Variants in CNTLN observed in about 807,000 individuals in gnomAD.
The protein encoded by CNTLN is centlein, also known as centlein, centrosomal protein.
A neutral mutation model predicts 180.0 loss-of-function variants in CNTLN; 212 were observed. The observed-to-expected ratio is 1.18, with a 90% confidence interval of 1.05 to 1.32. The LOEUF is 1.32. Among genes scored for constraint, CNTLN ranks in the 40% most tolerant of loss-of-function variants. CNTLN has a pLI of 0.00. For synonymous variants in CNTLN, 722 were observed against 563.1 expected, an observed-to-expected ratio of 1.28 and a Z score of -3.99; for missense variants, 2,095 against 1,610.9, an observed-to-expected ratio of 1.30 and a Z score of -5.14.
intron 14 of CNTLN, among the ~76,000 whole-genome samples, 179 bp from the exon 15 acceptor site, chr9:17,394,355 A>G (rs1826329495): frequency 1.3e-5 from 2 of 152,172 alleles, no homozygotes; most frequent in African/African-American, 4.8e-5. Context: ...CAACAGATAC[A>G]TTATTGCATT....
At chr9:17,397,138 GTTAGGTAA>G (rs1473757199) in intron 15 of CNTLN, among the ~76,000 whole-genome samples, 2 of 152,066 alleles carry the variant, frequency 1.3e-5, no homozygotes, top group Non-Finnish European at 2.9e-5. Context: ...ATAATCAATA[GTTAGGTAA>G]TTCACTAATA....
intron 13 of CNTLN, among the ~76,000 whole-genome samples, chr9:17,374,992 A>G (rs910804057): frequency 1.3e-5 from 2 of 152,228 alleles, no homozygotes; most frequent in Non-Finnish European, 2.9e-5. Context: ...AGCATTATTC[A>G]TAATAGCCAA....
intron 15 of CNTLN, among the ~76,000 whole-genome samples, chr9:17,399,251 C>G (rs1027566990): frequency 1.7e-4 from 26 of 152,122 alleles, no homozygotes; most frequent in African/African-American, 5.6e-4. Flanking sequence ...ACTTGTTTTT[C>G]ACTTGTTAAT....
intron 25 of CNTLN, chr9:17,495,089 A>C: frequency 2.8e-6 from 1 of 356,784 alleles, no homozygotes; most frequent in South Asian, 2.1e-5. Context: ...CATGTTGCCC[A>C]GGCTGGTCTC....
intron 5 of CNTLN, among the ~76,000 whole-genome samples, chr9:17,246,543 G>A (rs1825804076): frequency 6.6e-6 from 1 of 152,304 alleles, no homozygotes; most frequent in African/African-American, 2.4e-5. Context: ...GGATACCACT[G>A]TGTGGTTTTT....
rs114871291 is a variant in CNTLN, at chr9:17,435,661, C to G, written c.3114+19472C>G. On this transcript the variant is annotated intron_variant, in intron 18 of 25. Transcript: ENST00000380647. ...CTGCAGCCTCTGTCCACCCCGGATTCAAGAGATTCTCCTGCTTCAGCCTCC... is the reference window on the plus strand; with the variant it reads ...CTGCAGCCTCTGTCCACCCCGGATTGAAGAGATTCTCCTGCTTCAGCCTCC... 9.1e-3 allele frequency among the ~76,000 whole-genome samples: 1,384 copies of G among 151,670 alleles called. 22 individuals carry two copies. The highest frequency in any genetic ancestry group is 0.031 in the African/African-American group (1,299 of 41,340).
At chr9:17,321,893 T>G (rs1226749450) in intron 8 of CNTLN, among the ~76,000 whole-genome samples, 1 of 152,182 alleles carries the variant, frequency 6.6e-6, no homozygotes, top group Non-Finnish European at 1.5e-5. Context: ...TTTCTCTAGG[T>G]ATCTTACTGT....
At chr9:17,383,195 G>A (rs1182359032) in intron 13 of CNTLN, among the ~76,000 whole-genome samples, 3 of 152,054 alleles carry the variant, frequency 2.0e-5, no homozygotes, top group African/African-American at 7.2e-5. Context: ...TTTATACACA[G>A]ATTTTGGTTG....
chr9:17,385,185 G>A (rs1263854749), intron 13 of CNTLN, among the ~76,000 whole-genome samples: 2 of 152,228 alleles, frequency 1.3e-5, no homozygotes, highest in Non-Finnish European at 2.9e-5. Context: ...GGAAGCTTTT[G>A]TGTCCTTTCT....
intron 25 of CNTLN, among the ~76,000 whole-genome samples, chr9:17,490,068 A>G (rs192055438): frequency 2.0e-5 from 3 of 152,262 alleles, no homozygotes; most frequent in Admixed American, 6.5e-5. Flanking sequence ...TACTTTGTCT[A>G]TAGTTTAGGG....
intron 14 of CNTLN, among the ~76,000 whole-genome samples, chr9:17,392,123 C>T (rs556746762): frequency 1.3e-5 from 2 of 152,060 alleles, no homozygotes; most frequent in South Asian, 4.2e-4. Context: ...AAAAATTAGC[C>T]AAGTGTGATG....
At chr9:17,491,232 A>AT (rs1283125000) in intron 25 of CNTLN, among the ~76,000 whole-genome samples, 1 of 152,090 alleles carries the variant, frequency 6.6e-6, no homozygotes, top group Non-Finnish European at 1.5e-5. Flanking sequence ...ATCATTAAAA[A>AT]ATATATATAT....
rs148124616 is a variant in CNTLN at position 17,489,781 on chromosome 9, A to G, written c.4119+2715A>G. On this transcript the variant is annotated intron_variant, in intron 25 of 25. Transcript: ENST00000380647. ...GAACTCAGATATATGCCATTATTTC[A>G]AGTAGTTGTGATGCTATTGGTAATT... Among the ~76,000 whole-genome samples, 832 of 152,174 alleles carry G rather than the reference A, an allele frequency of 5.5e-3. 11 individuals are homozygous for G. Among genetic ancestry groups the G allele is most frequent in the African/African-American group, 0.019 (793 of 41,514 alleles).
intron 22 of CNTLN, 122 bp downstream of exon 22, chr9:17,466,240 C>T: frequency 1.3e-6 from 1 of 753,886 alleles, no homozygotes; most frequent in Non-Finnish European, 2.2e-6. Flanking sequence ...CAGATAAGTG[C>T]AAAGAGGATT....
At chr9:17,294,922 G>C in intron 6 of CNTLN, among the ~76,000 whole-genome samples, 1 of 127,632 alleles carries the variant, frequency 7.8e-6, no homozygotes, top group Non-Finnish European at 1.7e-5. Flanking sequence ...GGGGGGAGTG[G>C]GGGGAGGGCG....
chr9:17,426,439 T>C (rs1246224407), intron 18 of CNTLN, among the ~76,000 whole-genome samples: 1 of 152,180 alleles, frequency 6.6e-6, no homozygotes, highest in Non-Finnish European at 1.5e-5. Context: ...AACTATTTAC[T>C]GTTTGTCTTG....
At chr9:17,432,987 C>G (rs150931683) in intron 18 of CNTLN, among the ~76,000 whole-genome samples, 1,572 of 133,934 alleles carry the variant, frequency 0.012, 29 homozygotes, top group African/African-American at 0.042. Context: ...TGCCACTGCA[C>G]TGCAGCCTGG....
intron 25 of CNTLN, chr9:17,494,884 T>A (rs1234872683): frequency 2.7e-6 from 1 of 366,728 alleles, no homozygotes; most frequent in Non-Finnish European, 5.2e-6. Context: ...TACTTTTTTT[T>A]TTTTTTTTTT....
At chr9:17,250,348 A>G (rs1328412263) in intron 5 of CNTLN, among the ~76,000 whole-genome samples, 1 of 151,956 alleles carries the variant, frequency 6.6e-6, no homozygotes, top group Non-Finnish European at 1.5e-5. Flanking sequence ...TGGAGAATTT[A>G]ATTCATATAT....
Sources: allele counts gnomAD v4.1 joint callset (sites outside exome capture counted in the v4.1 genomes callset), GRCh38; gene constraint gnomAD v4.1.1; transcripts MANE v1.5; gene names NCBI Gene and HGNC (gene_info 2026-07-23, HGNC 2026-07-21).